The following NHEJ1 variants were observed in gnomAD, a reference collection of about 807,000 sequenced individuals.
The protein encoded by NHEJ1 is non-homologous end-joining factor 1.
Under a neutral mutation model 39.4 loss-of-function variants are expected in NHEJ1, and 22 were observed. That is an observed-to-expected ratio of 0.56 (90% CI 0.40 to 0.80). NHEJ1 has a LOEUF of 0.80. Among genes scored for constraint, NHEJ1 ranks in the 30% least tolerant of loss-of-function variants. The pLI, the probability that NHEJ1 is intolerant of heterozygous loss-of-function variation, is 0.00. For synonymous variants in NHEJ1, 154 were observed against 135.6 expected, an observed-to-expected ratio of 1.14 and a Z score of -0.94; for missense variants, 329 against 357.1, an observed-to-expected ratio of 0.92 and a Z score of 0.63.
intron 3 of NHEJ1, among the ~76,000 whole-genome samples, chr2:219,150,785 G>A (rs909323182): frequency 2.0e-5 from 3 of 151,978 alleles, no homozygotes; most frequent in Admixed American, 1.3e-4. Context: ...GTGAAACCCC[G>A]TCTCTACTAA....
chr2:219,137,570 C>CAAAAAAAAAAAAA (rs58279021), intron 5 of NHEJ1, among the ~76,000 whole-genome samples: 4 of 34,724 alleles, frequency 1.2e-4, no homozygotes, highest in East Asian at 8.5e-4. Context: ...GTGTTACAGG[C>CAAAAAAAAAAAAA]AAAAAAAAAA....
intron 1 of NHEJ1, among the ~76,000 whole-genome samples, chr2:219,159,906 T>C (rs947053504): frequency 2.0e-5 from 3 of 151,882 alleles, no homozygotes; most frequent in East Asian, 3.9e-4. Flanking sequence ...ACCCTCAAAT[T>C]GATGGGTTTT....
chr2:219,157,991 TCACACACACACACACACA>T (rs58103413), intron 2 of NHEJ1, among the ~76,000 whole-genome samples, 177 bp downstream of exon 2: 5 of 99,268 alleles, frequency 5.0e-5, no homozygotes, highest in East Asian at 2.5e-4. Context: ...TCTCTCTCTC[TCACACACACACACACACA>T]CACACACACA....
chr2:219,084,728 T>C (rs963697704), intron 5 of NHEJ1, among the ~76,000 whole-genome samples: 1 of 152,308 alleles, frequency 6.6e-6, no homozygotes. Context: ...TCAGTAGGTA[T>C]TGTCTTCCTA....
At chr2:219,156,231 A>T (rs1292023715) in intron 3 of NHEJ1, among the ~76,000 whole-genome samples, 1 of 151,976 alleles carries the variant, frequency 6.6e-6, no homozygotes, top group Non-Finnish European at 1.5e-5. Flanking sequence ...CCTGGGCGAC[A>T]GAGTGAAACT....
intron 5 of NHEJ1, among the ~76,000 whole-genome samples, chr2:219,145,045 T>C (rs1009844038): frequency 6.6e-6 from 1 of 152,166 alleles, no homozygotes; most frequent in Middle Eastern, 3.4e-3. Context: ...CGAAACCCCG[T>C]TTCTACTAAA....
intron 4 of NHEJ1, among the ~76,000 whole-genome samples, chr2:219,147,176 A>G (rs1178977694): frequency 6.6e-6 from 1 of 152,140 alleles, no homozygotes; most frequent in African/African-American, 2.4e-5. Flanking sequence ...CAGGTACTCG[A>G]GGCAGAGAAA....
At chr2:219,155,376 T>C (rs1949843409) in intron 3 of NHEJ1, among the ~76,000 whole-genome samples, 2 of 151,996 alleles carry the variant, frequency 1.3e-5, no homozygotes, top group South Asian at 4.1e-4. Flanking sequence ...ACCACCCTGG[T>C]CAACACAGAG....
At chr2:219,147,937 A>G in intron 3 of NHEJ1, 142 bp from the exon 4 acceptor site, 1 of 784,368 alleles carries the variant, frequency 1.3e-6, no homozygotes, top group Non-Finnish European at 2.1e-6. Context: ...CATTTACATG[A>G]ATGTAAACAC....
chr2:219,112,489 GA>G (rs1364446794), intron 5 of NHEJ1, among the ~76,000 whole-genome samples: 1 of 152,020 alleles, frequency 6.6e-6, no homozygotes, highest in Non-Finnish European at 1.5e-5. Context: ...GTCTCTCCAG[GA>G]ACAAAGTCAA....
At chr2:219,103,004 CA>C (rs34361973) in intron 5 of NHEJ1, among the ~76,000 whole-genome samples, 616 of 31,560 alleles carry the variant, frequency 0.02, 4 homozygotes, top group African/African-American at 0.11. Flanking sequence ...GACTCCGTCT[CA>C]AAAAAAAAAA....
rs146366962 is a variant in NHEJ1, at chr2:219,082,736, G to A, written c.589-4530C>T. On this transcript the variant is annotated intron_variant, in intron 5 of 7. Transcript: ENST00000356853. ...AAACTGGCACAGCCCCAAGCCCCTC[G>A]CACTGACCATCACAACATCACAAGG... Among the ~76,000 whole-genome samples, 15 of 152,254 alleles carry A rather than the reference G, an allele frequency of 9.9e-5. No homozygotes were observed. The East Asian group carries it at 2.7e-3, about 27-fold the overall frequency.
intron 5 of NHEJ1, among the ~76,000 whole-genome samples, chr2:219,109,228 A>G (rs772518438): frequency 6.6e-6 from 1 of 152,162 alleles, no homozygotes; most frequent in Non-Finnish European, 1.5e-5. Context: ...GGGCAACTGG[A>G]TAATATGCCA....
intron 5 of NHEJ1, among the ~76,000 whole-genome samples, chr2:219,092,682 C>T (rs147244073): frequency 6.6e-6 from 1 of 152,170 alleles, no homozygotes; most frequent in Admixed American, 6.5e-5. Context: ...GGTAAAAACC[C>T]CTGCTGTAAA....
intron 3 of NHEJ1, among the ~76,000 whole-genome samples, chr2:219,150,976 A>G (rs1949789663): frequency 6.6e-6 from 1 of 151,840 alleles, no homozygotes; most frequent in Non-Finnish European, 1.5e-5. Flanking sequence ...AGAAAAAAAA[A>G]AATTAGCCAG....
chr2:219,152,082 G>A (rs1230637953), intron 3 of NHEJ1, among the ~76,000 whole-genome samples: 1 of 152,154 alleles, frequency 6.6e-6, no homozygotes, highest in East Asian at 1.9e-4. Context: ...GTAATTTATA[G>A]ACAGCAATAT....
At chr2:219,107,351 T>C (rs142509050) in intron 5 of NHEJ1, among the ~76,000 whole-genome samples, 68 of 152,330 alleles carry the variant, frequency 4.5e-4, no homozygotes, top group Non-Finnish European at 8.8e-4. Flanking sequence ...CCTCAGGGTG[T>C]ATCTGATCAA....
intron 1 of NHEJ1, among the ~76,000 whole-genome samples, chr2:219,159,796 T>C (rs1949911282): frequency 2.3e-5 from 3 of 131,008 alleles, no homozygotes; most frequent in Admixed American, 7.7e-5. Flanking sequence ...AAGTCGCCAC[T>C]TTCATCTCCC....
At chr2:219,140,222 T>C (rs145296160) in intron 5 of NHEJ1, among the ~76,000 whole-genome samples, 2,033 of 152,288 alleles carry the variant, frequency 0.013, 25 homozygotes, top group Non-Finnish European at 0.019. Flanking sequence ...GAGGAAGTTG[T>C]AGGAGATGAG....
Sources: gnomAD v4.1 joint callset for allele counts (sites outside exome capture counted in the v4.1 genomes callset) on GRCh38, gnomAD v4.1.1 for gene constraint, MANE v1.5 for transcripts, NCBI Gene and HGNC (gene_info 2026-07-23, HGNC 2026-07-21) for gene names.